The following UBR3 variants were observed in gnomAD, a reference collection of about 807,000 sequenced individuals.
UBR3 encodes E3 ubiquitin-protein ligase UBR3.
Under a neutral mutation model 243.2 loss-of-function variants are expected in UBR3, and 85 were observed. The observed-to-expected ratio is 0.35, with a 90% CI of 0.29 to 0.42. The LOEUF (loss-of-function observed/expected upper bound fraction) is 0.42. Ranked by LOEUF, UBR3 falls within the 10% of genes least tolerant of loss-of-function variation. UBR3 has a pLI of 1.00. For synonymous variants in UBR3, 748 were observed against 799.8 expected, an observed-to-expected ratio of 0.94 and a Z score of 1.09; for missense variants, 1,686 against 2,300.8, an observed-to-expected ratio of 0.73 and a Z score of 5.47.
At chr2:170,001,135 T>C (rs936435757) in intron 26 of UBR3, among the ~76,000 whole-genome samples, 169 bp from the exon 27 acceptor site, 3 of 152,208 alleles carry the variant, frequency 2.0e-5, no homozygotes, top group African/African-American at 7.2e-5. Context: ...ATTTTAAAGA[T>C]AGTGCCTGAA....
intron 5 of UBR3, among the ~76,000 whole-genome samples, chr2:169,879,326 A>G (rs1214275807): frequency 6.6e-6 from 1 of 152,144 alleles, no homozygotes; most frequent in Non-Finnish European, 1.5e-5. Context: ...TAAGCCAAAT[A>G]TACTCCTTTT....
chr2:169,875,112 A>T (rs1044434569), intron 2 of UBR3, among the ~76,000 whole-genome samples: 2 of 151,952 alleles, frequency 1.3e-5, no homozygotes, highest in Non-Finnish European at 2.9e-5. Context: ...GCTAACATGT[A>T]TCTGTATTTT....
chr2:169,909,373 A>G (rs1010416616), intron 10 of UBR3, among the ~76,000 whole-genome samples: 3 of 152,204 alleles, frequency 2.0e-5, no homozygotes, highest in African/African-American at 7.2e-5. Flanking sequence ...GGTGGGAAGC[A>G]GCAAGACCAG....
chr2:169,949,847 T>C lies in UBR3; in HGVS notation c.3327T>C (p.Pro1109=), dbSNP rs953773053. The part of the protein sequence containing the change: ...KLSGKQNSYY[P]PWLDDIEILI... Reference sequence around the variant, plus strand: ...CAGGAAAACAAAACTCCTACTATCCTCCTTGGCTTGATGACATAGAAATTT... The same window carrying C: ...CAGGAAAACAAAACTCCTACTATCCCCCTTGGCTTGATGACATAGAAATTT... The change falls in exon 23 of 39, where the codon CCT becomes CCC. Residue 1109 remains proline, a synonymous_variant. Transcript: ENST00000272793. The C allele has an allele frequency of 7.0e-6, 11 of 1,578,218 alleles. No homozygotes were observed. The highest frequency in any genetic ancestry group is 8.6e-6 in the Non-Finnish European group (10 of 1,160,070).
intron 14 of UBR3, 132 bp from the exon 15 acceptor site, chr2:169,926,560 G>C (rs1380443358): frequency 5.5e-6 from 5 of 910,122 alleles, no homozygotes; most frequent in Non-Finnish European, 8.1e-6. Flanking sequence ...GCACCAGCTT[G>C]GGTGAGAGTG....
chr2:170,028,127 C>G (rs911237691), intron 30 of UBR3, among the ~76,000 whole-genome samples: 8 of 151,814 alleles, frequency 5.3e-5, no homozygotes, highest in African/African-American at 1.9e-4. Flanking sequence ...TTCCTCTGTT[C>G]GTTATAGAGA....
At chr2:169,904,970 G>A (rs2084962422) in intron 8 of UBR3, 144 bp from the exon 9 acceptor site, 4 of 487,682 alleles carry the variant, frequency 8.2e-6, no homozygotes, top group African/African-American at 2.0e-5. Context: ...TAAATATTGT[G>A]CCTAAAGCCA....
intron 11 of UBR3, among the ~76,000 whole-genome samples, chr2:169,918,693 C>A (rs898428001): frequency 6.6e-6 from 1 of 151,982 alleles, no homozygotes; most frequent in Non-Finnish European, 1.5e-5. Context: ...ATACATTTTC[C>A]TATAAGATAG....
chr2:169,983,780 TA>T (rs982616733), intron 24 of UBR3, among the ~76,000 whole-genome samples: 82 of 152,224 alleles, frequency 5.4e-4, no homozygotes, highest in African/African-American at 1.9e-3. Context: ...TCTGTTCATG[TA>T]AAACCAAACA....
At chr2:170,039,653 TAA>T (rs901842781) in intron 31 of UBR3, among the ~76,000 whole-genome samples, 3 of 152,188 alleles carry the variant, frequency 2.0e-5, no homozygotes, top group African/African-American at 7.2e-5. Context: ...TCGAGCCTAA[TAA>T]AAGAGTTGAA....
intron 8 of UBR3, 149 bp downstream of exon 8, chr2:169,896,884 G>A (rs1331934538): frequency 1.9e-6 from 1 of 533,742 alleles, no homozygotes; most frequent in East Asian, 3.5e-5. Context: ...TGTATAACTA[G>A]TCTTGAAAAC....
chr2:169,995,310 A>G (rs2089439814), intron 26 of UBR3, among the ~76,000 whole-genome samples: 1 of 152,164 alleles, frequency 6.6e-6, no homozygotes, highest in African/African-American at 2.4e-5. Flanking sequence ...ACTACTACTG[A>G]CAGCACTCAT....
intron 1 of UBR3, among the ~76,000 whole-genome samples, chr2:169,842,802 G>T (rs538474435): frequency 1.2e-4 from 18 of 152,344 alleles, no homozygotes; most frequent in African/African-American, 4.3e-4. Flanking sequence ...GCGAGGGTCC[G>T]CGGCTTCATT....
At chr2:169,936,051 T>A (rs1324991900) in intron 19 of UBR3, among the ~76,000 whole-genome samples, 4 of 152,260 alleles carry the variant, frequency 2.6e-5, no homozygotes, top group Non-Finnish European at 5.9e-5. Flanking sequence ...CCAATTTATT[T>A]ATTTTTTATT....
At chr2:169,900,266 A>G (rs2084766010) in intron 8 of UBR3, among the ~76,000 whole-genome samples, 1 of 152,124 alleles carries the variant, frequency 6.6e-6, no homozygotes, top group Non-Finnish European at 1.5e-5. Flanking sequence ...AGCATTTTTC[A>G]TATGTCTGTT....
At chr2:170,042,239 C>G (rs1389467135) in intron 32 of UBR3, among the ~76,000 whole-genome samples, 1 of 151,996 alleles carries the variant, frequency 6.6e-6, no homozygotes, top group African/African-American at 2.4e-5. Context: ...CATTTTGTGT[C>G]TGGCTTCCTT....
rs1482380054 is a variant in UBR3 at position 169,949,794 on chromosome 2, T to C, written c.3274T>C (p.Leu1092=). The C allele has an allele frequency of 1.9e-6, 3 of 1,552,028 alleles. No homozygotes were observed. Among genetic ancestry groups the C allele is most frequent in the Non-Finnish European group, 2.6e-6 (3 of 1,146,988 alleles). Residue 1092 remains leucine (L), a synonymous_variant, in exon 23 of 39, where the codon TTG becomes CTG. Coordinates refer to ENST00000272793, the MANE Select transcript of UBR3 (RefSeq NM_172070.4). The part of the protein sequence containing the change: ...ILEIKESILS[L]LIKLHHKLSG... ...GGAAATTAAAGAAAGCATATTGTCTTTGCTAATTAAACTTCACCACAAACT... is the reference window on the plus strand; with the variant it reads ...GGAAATTAAAGAAAGCATATTGTCTCTGCTAATTAAACTTCACCACAAACT...
At chr2:169,959,333 A>G (rs1288339568) in intron 24 of UBR3, among the ~76,000 whole-genome samples, 1 of 151,774 alleles carries the variant, frequency 6.6e-6, no homozygotes, top group Non-Finnish European at 1.5e-5. Flanking sequence ...CTTTGACAGA[A>G]AGAATACAGA....
intron 8 of UBR3, among the ~76,000 whole-genome samples, chr2:169,899,211 G>A (rs994771691): frequency 1.4e-5 from 2 of 144,268 alleles, no homozygotes; most frequent in Middle Eastern, 4.3e-3. Flanking sequence ...GACTCCTGAC[G>A]TCAGGTGATC....
Sources: gnomAD v4.1 joint callset for allele counts (sites outside exome capture counted in the v4.1 genomes callset) on GRCh38, gnomAD v4.1.1 for gene constraint, MANE v1.5 for transcripts, NCBI Gene and HGNC (gene_info 2026-07-23, HGNC 2026-07-21) for gene names.